Variants in ALK observed in about 807,000 individuals in gnomAD.
The protein encoded by ALK is ALK receptor tyrosine kinase, also known as ALK tyrosine kinase receptor.
A neutral mutation model predicts 163.1 loss-of-function variants in ALK; 74 were observed. The ratio of observed to expected loss-of-function variants is 0.45; its 90% CI spans 0.38 to 0.55. The LOEUF is 0.55. Among genes scored for constraint, ALK ranks in the 20% least tolerant of loss-of-function variants. The pLI, the probability that ALK is intolerant of heterozygous loss-of-function variation, is 0.00. For synonymous variants in ALK, 960 were observed against 843.2 expected (o/e 1.14, Z -2.40); for missense variants, 2,063 against 2,105.3 (o/e 0.98, Z 0.39).
intron 3 of ALK, among the ~76,000 whole-genome samples, chr2:29,629,385 G>C (rs909210336): frequency 6.6e-6 from 1 of 152,162 alleles, no homozygotes; most frequent in Non-Finnish European, 1.5e-5. Flanking sequence ...TCTTCAAGCA[G>C]AGGAATATGA....
chr2:29,398,433 C>T (rs1038086331), intron 4 of ALK, among the ~76,000 whole-genome samples: 1 of 152,122 alleles, frequency 6.6e-6, no homozygotes, highest in African/African-American at 2.4e-5. Context: ...GAGATGTATG[C>T]AAAGTGTCTT....
At chr2:29,602,476 T>A (rs1675406943) in intron 3 of ALK, among the ~76,000 whole-genome samples, 1 of 152,214 alleles carries the variant, frequency 6.6e-6, no homozygotes, top group African/African-American at 2.4e-5. Flanking sequence ...GGCCACCTGC[T>A]TGGAGACTCT....
intron 1 of ALK, among the ~76,000 whole-genome samples, chr2:29,884,636 G>C (rs7560160): frequency 0.7 from 107,073 of 152,070 alleles, 37,939 homozygotes; most frequent in Non-Finnish European, 0.75. Flanking sequence ...AAAAAGCCAA[G>C]TTATTATGTA....
intron 3 of ALK, chr2:29,680,941 T>C (rs1160386280): frequency 6.6e-6 from 1 of 152,136 alleles, no homozygotes; most frequent in Non-Finnish European, 1.5e-5. Flanking sequence ...ATCTGTGAAG[T>C]CTGTCTTCCC....
intron 11 of ALK, among the ~76,000 whole-genome samples, chr2:29,259,327 C>T (rs1665026670): frequency 6.6e-6 from 1 of 152,110 alleles, no homozygotes; most frequent in African/African-American, 2.4e-5. Flanking sequence ...CACATAGCTG[C>T]CCCGGGCAGA....
intron 3 of ALK, among the ~76,000 whole-genome samples, chr2:29,570,782 C>T (rs1035740119): frequency 2.6e-5 from 4 of 152,194 alleles, no homozygotes; most frequent in Non-Finnish European, 5.9e-5. Context: ...CTTCCTTGTG[C>T]AGAGTGCAGA....
In ALK at chr2:29,694,905, G is replaced by A. The variant is rs1389708232; in HGVS notation, c.897C>T (p.Ser299=). The part of the protein sequence containing the change: ...SWRRIPSEEA[S]QMDLLDGPGA... ...CAGGCCCATCCAGCAAGTCCATCTG[G>A]GAGGCCTCCTCGGAGGGGATGCGGC... Residue 299 remains serine, a synonymous_variant, in exon 3 of 29, where the codon TCC becomes TCT. Transcript: ENST00000389048. The A allele has an allele frequency of 2.5e-6, 4 of 1,614,110 alleles. No individual in the cohort carries two copies. Among genetic ancestry groups the A allele is most frequent in the Non-Finnish European group, 3.4e-6 (4 of 1,179,992 alleles).
intron 1 of ALK, among the ~76,000 whole-genome samples, chr2:29,788,210 C>A (rs921005949): frequency 1.3e-5 from 2 of 152,202 alleles, no homozygotes; most frequent in African/African-American, 4.8e-5. Flanking sequence ...AGTGATAACT[C>A]GCTGAGTGCT....
chr2:29,891,470 C>T (rs2148425016), intron 1 of ALK, among the ~76,000 whole-genome samples: 1 of 152,292 alleles, frequency 6.6e-6, no homozygotes, highest in African/African-American at 2.4e-5. Context: ...TGTTTCAGAT[C>T]AAGCACTTCA....
At chr2:29,435,828 T>C (rs1273706032) in intron 4 of ALK, among the ~76,000 whole-genome samples, 2 of 152,164 alleles carry the variant, frequency 1.3e-5, no homozygotes, top group African/African-American at 4.8e-5. Flanking sequence ...GTTAACTACG[T>C]AATTTTCCAC....
Position 29,251,143 on chromosome 2 carries a change from GC to G in ALK, c.2165del (p.Gly722AlafsTer30), listed in dbSNP as rs1399747838. 1 of 1,614,140 alleles carries G rather than the reference GC, an allele frequency of 6.2e-7. No individual in the cohort carries two copies. The highest frequency in any genetic ancestry group is 1.7e-5 in the Admixed American group (1 of 60,024). ...VEVGSEGPLK[G>X]IQIWKVPATD... ...TGGCTGGCACCTTCCAGATCTGGAT[GC>G]CTTTCAGGGGGCCCTCGCTCCCCAC... is the stretch of plus-strand genomic sequence containing the variant. On this transcript the variant is annotated frameshift_variant, in exon 12 of 29. Coordinates refer to ENST00000389048, the MANE Select transcript of ALK (RefSeq NM_004304.5). LOFTEE classifies it high-confidence loss of function.
intron 3 of ALK, among the ~76,000 whole-genome samples, chr2:29,637,683 T>C (rs1676576774): frequency 8.1e-6 from 1 of 123,238 alleles, no homozygotes; most frequent in Non-Finnish European, 1.6e-5. Flanking sequence ...CACTCCAGCC[T>C]GGGTGACAGA....
At position 29,227,641 on chromosome 2, in the gene ALK, T is replaced by G. The variant is rs1664045937; in HGVS notation, c.2847A>C (p.Glu949Asp). 2 of 1,613,918 alleles carry G rather than the reference T, an allele frequency of 1.2e-6. No homozygotes were observed. The highest frequency in any genetic ancestry group is 2.2e-5 in the South Asian group (2 of 91,060). ...AGGAAACCCCATCTTCCCCATCCAT[T>G]TCGGGGTCATTGTTTGAGGCTGCAT... ...GGNAASNNDP[E>D]MDGEDGVSFI... is the part of the protein sequence containing the mutation. The change falls in exon 17 of 29, where the codon GAA becomes GAC. Residue 949 changes from glutamate to aspartate, a missense_variant. Around this residue, in one of 5 missense-constraint regions of ALK, gnomAD observed 575 missense variants for 626.6 expected, o/e 0.92. Coordinates refer to ENST00000389048, the MANE Select transcript of ALK (RefSeq NM_004304.5). The surrounding 1 kb of genome is among the most constrained non-coding windows in gnomAD (Gnocchi z 4.4).
At chr2:29,518,083 T>A (rs1463515314) in intron 4 of ALK, among the ~76,000 whole-genome samples, 1 of 152,224 alleles carries the variant, frequency 6.6e-6, no homozygotes, top group East Asian at 1.9e-4. Flanking sequence ...AGTTCCCTTC[T>A]GTGCAGTCCA....
At chr2:29,391,864 T>G (rs1669183629) in intron 4 of ALK, among the ~76,000 whole-genome samples, 1 of 152,220 alleles carries the variant, frequency 6.6e-6, no homozygotes, top group Non-Finnish European at 1.5e-5. Flanking sequence ...TTTTATTGGC[T>G]GTGTGACCTT....
intron 3 of ALK, among the ~76,000 whole-genome samples, chr2:29,675,605 AT>A (rs141838346): frequency 3.3e-5 from 5 of 151,486 alleles, no homozygotes; most frequent in African/African-American, 9.7e-5. Flanking sequence ...TCACCTGTGA[AT>A]TTTTTTTTCT....
intron 3 of ALK, among the ~76,000 whole-genome samples, chr2:29,544,975 T>G (rs185900810): frequency 2.3e-4 from 35 of 152,332 alleles, no homozygotes; most frequent in African/African-American, 7.9e-4. Flanking sequence ...GTTTCCAGAC[T>G]TCTGTCCAGT....
chr2:29,429,251 C>G (rs546434207), intron 4 of ALK, among the ~76,000 whole-genome samples: 7 of 151,920 alleles, frequency 4.6e-5, no homozygotes, highest in African/African-American at 1.7e-4. Flanking sequence ...AGATTCTAGC[C>G]AGGGAAATTA....
intron 3 of ALK, among the ~76,000 whole-genome samples, chr2:29,596,133 G>T (rs1049839579): frequency 1.3e-5 from 2 of 152,156 alleles, no homozygotes; most frequent in Non-Finnish European, 2.9e-5. Flanking sequence ...AATTGCACAC[G>T]TTTGTGACTT....
Sources: gnomAD v4.1 joint callset for allele counts (sites outside exome capture counted in the v4.1 genomes callset) on GRCh38, gnomAD v4.1.1 for gene constraint, gnomAD v4.1.1 regional missense constraint, Gnocchi (gnomAD v3.1) non-coding constraint, MANE v1.5 for transcripts, NCBI Gene and HGNC (gene_info 2026-07-23, HGNC 2026-07-21) for gene names.